ERP44: variants seen among roughly 807,000 people sequenced by gnomAD.
The protein encoded by ERP44 is endoplasmic reticulum protein 44.
Under a neutral mutation model 53.4 loss-of-function variants are expected in ERP44, and 25 were observed. That is an observed-to-expected ratio of 0.47 (90% CI 0.34 to 0.65). The LOEUF (loss-of-function observed/expected upper bound fraction) is 0.65. Among genes scored for constraint, ERP44 ranks in the 30% least tolerant of loss-of-function variants. The pLI is 0.01. For missense variants in ERP44, 338 were observed against 493.2 expected, an observed-to-expected ratio of 0.69 and a Z score of 2.98; for synonymous variants, 145 against 161.2, an observed-to-expected ratio of 0.90 and a Z score of 0.76.
At chr9:100,062,085 G>A (rs1401307542) in intron 1 of ERP44, among the ~76,000 whole-genome samples, 1 of 152,134 alleles carries the variant, frequency 6.6e-6, no homozygotes, top group Non-Finnish European at 1.5e-5. Flanking sequence ...AATCTCTGCG[G>A]ACACAGAGAT....
intron 2 of ERP44, among the ~76,000 whole-genome samples, chr9:100,059,199 TTA>T (rs1286604354): frequency 6.6e-6 from 1 of 152,182 alleles, no homozygotes; most frequent in Non-Finnish European, 1.5e-5. Flanking sequence ...TTTGCCTCTA[TTA>T]TATGTGTCAG....
chr9:99,988,825 C>T (rs1174860411), intron 10 of ERP44, among the ~76,000 whole-genome samples: 1 of 152,226 alleles, frequency 6.6e-6, no homozygotes, highest in Non-Finnish European at 1.5e-5. Flanking sequence ...GACATTCCCA[C>T]CCAAATACTG....
intron 1 of ERP44, among the ~76,000 whole-genome samples, chr9:100,094,374 C>T (rs1020043011): frequency 4.0e-5 from 6 of 151,634 alleles, no homozygotes; most frequent in African/African-American, 1.5e-4. Flanking sequence ...AAAAGTATTC[C>T]AGGCCGGGCG....
In ERP44 at chr9:100,069,882, T is replaced by G. The variant is rs866413844; in HGVS notation, c.58-9710A>C. 5.9e-5 allele frequency among the ~76,000 whole-genome samples: 9 copies of G among 152,346 alleles called. 1 individual carries two copies. In the Middle Eastern group the frequency reaches 0.01, roughly 173 times the overall value. On this transcript the variant is annotated intron_variant, in intron 1 of 11. Coordinates refer to ENST00000262455, the MANE Select transcript of ERP44 (RefSeq NM_015051.3). ...CATGAATTTCCATTAAAAACTGATGTTATCTGTGTTTCGTTCTTCAGCGTA... is the reference window on the plus strand; with the variant it reads ...CATGAATTTCCATTAAAAACTGATGGTATCTGTGTTTCGTTCTTCAGCGTA...
At chr9:100,058,460 A>G (rs1006704814) in intron 2 of ERP44, among the ~76,000 whole-genome samples, 1 of 152,238 alleles carries the variant, frequency 6.6e-6, no homozygotes, top group African/African-American at 2.4e-5. Flanking sequence ...TAAAAAGTAA[A>G]GTGGAATGAT....
At chr9:100,021,120 T>C (rs1002798753) in intron 5 of ERP44, among the ~76,000 whole-genome samples, 14 of 152,204 alleles carry the variant, frequency 9.2e-5, no homozygotes, top group African/African-American at 3.4e-4. Flanking sequence ...CCCATCTTAC[T>C]GGGTACACCA....
rs1830127363 is a variant in ERP44, at chr9:99,979,722, A to G, written c.*2890T>C. The stretch of plus-strand genomic sequence containing the variant: ...GTCTGGTCTTGCATCCTCTCTTCCC[A>G]GCTGAGAAGCCTGAGGCCCCGAGTA... On this transcript the variant is annotated 3_prime_UTR_variant, in exon 12 of 12. Transcript: ENST00000262455. The G allele has an allele frequency of 2.7e-6, 1 of 375,706 alleles. No homozygotes were observed. Among genetic ancestry groups the G allele is most frequent in the Non-Finnish European group, 4.7e-6 (1 of 212,036 alleles). The allele number at this position is 375,706 out of a possible 1,614,324, so 23.3% of individuals were successfully genotyped here.
intron 1 of ERP44, among the ~76,000 whole-genome samples, chr9:100,084,200 T>C (rs1826456949): frequency 6.6e-6 from 1 of 152,212 alleles, no homozygotes; most frequent in Non-Finnish European, 1.5e-5. Flanking sequence ...TCATGTATGA[T>C]AGCCTCCAGT....
At chr9:100,072,859 G>A (rs1188334309) in intron 1 of ERP44, among the ~76,000 whole-genome samples, 1 of 152,182 alleles carries the variant, frequency 6.6e-6, no homozygotes, top group Admixed American at 6.5e-5. Flanking sequence ...TTAGAGGTAA[G>A]AAGGGCAATC....
chr9:100,032,610 T>C (rs957905114), intron 4 of ERP44, among the ~76,000 whole-genome samples: 2 of 152,194 alleles, frequency 1.3e-5, no homozygotes, highest in African/African-American at 4.8e-5. Context: ...AATGACTTAG[T>C]CTATGTTATT....
intron 1 of ERP44, among the ~76,000 whole-genome samples, chr9:100,069,015 A>T (rs557346621): frequency 2.6e-5 from 4 of 152,330 alleles, no homozygotes; most frequent in African/African-American, 9.6e-5. Context: ...TCTCTGAAAC[A>T]TGTGCTGTGT....
rs58004954 is a variant in ERP44, at chr9:100,063,075, CA to C, written c.58-2904del. 8.8e-3 allele frequency among the ~76,000 whole-genome samples: 354 copies of C among 40,072 alleles called. 24 individuals are homozygous for C. The highest frequency in any genetic ancestry group is 0.05 in the East Asian group (38 of 754). The allele number at this position is 40,072 out of a possible 152,430, so 26.3% of individuals were successfully genotyped here. ...GATGACAGAACAGGACCCTGTCTCA[CA>C]AAAAAAAAAAAAAAAAAGAGAGAGA... is the stretch of plus-strand genomic sequence containing the variant. On this transcript the variant is annotated intron_variant, in intron 1 of 11. Coordinates refer to ENST00000262455, the MANE Select transcript of ERP44 (RefSeq NM_015051.3).
intron 4 of ERP44, among the ~76,000 whole-genome samples, chr9:100,045,352 C>T (rs2118695935): frequency 6.6e-6 from 1 of 152,276 alleles, no homozygotes; most frequent in South Asian, 2.1e-4. Flanking sequence ...ATAGATATCA[C>T]AATTTGCGAT....
chr9:100,089,823 T>C (rs1826530220), intron 1 of ERP44, among the ~76,000 whole-genome samples: 1 of 152,180 alleles, frequency 6.6e-6, no homozygotes, highest in African/African-American at 2.4e-5. Context: ...CATAGGTATG[T>C]ATGTATAAGA....
chr9:100,068,635 C>A (rs1332857227), intron 1 of ERP44, among the ~76,000 whole-genome samples: 1 of 147,156 alleles, frequency 6.8e-6, no homozygotes, highest in African/African-American at 2.5e-5. Flanking sequence ...CAGCCCCCCA[C>A]CCGGCCAGCC....
chr9:99,996,224 G>A (rs558056135), intron 10 of ERP44, among the ~76,000 whole-genome samples: 1 of 152,286 alleles, frequency 6.6e-6, no homozygotes, highest in African/African-American at 2.4e-5. Context: ...CCTCATGGTA[G>A]TTGAGTTCTA....
intron 10 of ERP44, among the ~76,000 whole-genome samples, chr9:99,985,915 C>A (rs10760708): frequency 0.19 from 28,556 of 151,954 alleles, 4,223 homozygotes; most frequent in African/African-American, 0.42. Flanking sequence ...ATTCTCTTTA[C>A]GAAAAAGCTT....
chr9:100,083,505 G>GT (rs1826449373), intron 1 of ERP44, among the ~76,000 whole-genome samples: 1 of 152,184 alleles, frequency 6.6e-6, no homozygotes, highest in Non-Finnish European at 1.5e-5. Flanking sequence ...GTCAAAAAGT[G>GT]TAAGACTTCA....
At chr9:100,096,411 AAGAT>A (rs1286798216) in intron 1 of ERP44, among the ~76,000 whole-genome samples, 2 of 151,730 alleles carry the variant, frequency 1.3e-5, no homozygotes, top group African/African-American at 2.4e-5. Flanking sequence ...ATATATATAA[AAGAT>A]ATATATACAT....
Sources: allele counts gnomAD v4.1 joint callset (sites outside exome capture counted in the v4.1 genomes callset), GRCh38; gene constraint gnomAD v4.1.1; transcripts MANE v1.5; gene names NCBI Gene and HGNC (gene_info 2026-07-23, HGNC 2026-07-21).